NEK5: variants seen among roughly 807,000 people sequenced by gnomAD.
The protein encoded by NEK5 is NIMA related kinase 5.
A neutral mutation model predicts 109.2 loss-of-function variants in NEK5; 88 were observed. The observed-to-expected ratio is 0.81, with a 90% CI of 0.68 to 0.96. The LOEUF is 0.96. NEK5 is among the 40% of genes least tolerant of loss of function. The pLI is 0.00. For synonymous variants in NEK5, 283 were observed against 299.9 expected (o/e 0.94, Z 0.58); for missense variants, 834 against 920.7 (o/e 0.91, Z 1.22).
chr13:52,076,256 TTAA>T (rs1954867421), intron 17 of NEK5, 113 bp from the exon 18 acceptor site: 3 of 590,282 alleles, frequency 5.1e-6, no homozygotes, highest in Non-Finnish European at 8.7e-6. Context: ...TAATGGAAAG[TTAA>T]TAATAATTAA....
intron 22 of NEK5, among the ~76,000 whole-genome samples, chr13:52,054,640 C>T (rs1294696919): frequency 2.8e-5 from 4 of 144,804 alleles, no homozygotes; most frequent in Non-Finnish European, 4.6e-5. Context: ...GGTCCCTGAC[C>T]CCTGACCCCT....
intron 22 of NEK5, among the ~76,000 whole-genome samples, chr13:52,060,433 C>T (rs1050528229): frequency 3.3e-5 from 5 of 152,080 alleles, no homozygotes; most frequent in Non-Finnish European, 7.4e-5. Context: ...CGGCTCACTG[C>T]AACCTCCGCC....
rs1284330506 is a variant in NEK5 at position 52,080,311 on chromosome 13, G to A, written c.1572+2949C>T. Among the ~76,000 whole-genome samples the A allele has an allele frequency of 2.0e-5, 3 of 150,370 alleles. No homozygotes were observed. In the East Asian group the frequency reaches 6.0e-4, roughly 30 times the overall value. The stretch of plus-strand genomic sequence containing the variant: ...CCCGGCCAGCCGCCTCGTCCGGGAG[G>A]TGAGGGGCGCCTCTGCCCGGCCGCC... On this transcript the variant is annotated intron_variant, in intron 17 of 23. Transcript: ENST00000684899.
rs546129214 is a variant in NEK5, at chr13:52,057,711, T to C, written c.2110+4108A>G. Among the ~76,000 whole-genome samples, 9 of 152,224 alleles carry C rather than the reference T, an allele frequency of 5.9e-5. No homozygotes were observed. The South Asian group carries it at 1.9e-3, about 32-fold the overall frequency. The stretch of plus-strand genomic sequence containing the variant: ...ACCAAAGACAAAAACCACATGATTA[T>C]CTCAATAGATGCAGAAAAGGCCTTT... On this transcript the variant is annotated intron_variant, in intron 22 of 23. Transcript: ENST00000684899.
chr13:52,073,915 C>T (rs1339977023), intron 19 of NEK5, among the ~76,000 whole-genome samples: 3 of 152,096 alleles, frequency 2.0e-5, no homozygotes. Context: ...AGGAGTACAT[C>T]TAACCAAGGA....
At chr13:52,115,502 G>A (rs1042985703) in intron 4 of NEK5, among the ~76,000 whole-genome samples, 22 of 150,190 alleles carry the variant, frequency 1.5e-4, no homozygotes, top group Non-Finnish European at 2.4e-4. Context: ...CTACTCAGGA[G>A]GCTGAGGCAG....
chr13:52,074,824 G>C (rs1486220809), intron 19 of NEK5, among the ~76,000 whole-genome samples: 1 of 152,052 alleles, frequency 6.6e-6, no homozygotes, highest in Non-Finnish European at 1.5e-5. Context: ...GATAGAAAGA[G>C]ACACTTCTCA....
At chr13:52,087,669 AGGCT>A (rs1444495610) in intron 14 of NEK5, among the ~76,000 whole-genome samples, 1 of 152,190 alleles carries the variant, frequency 6.6e-6, no homozygotes, top group Non-Finnish European at 1.5e-5. Flanking sequence ...TCTGTCACCC[AGGCT>A]GGAGTACAGC....
At chr13:52,075,032 T>C (rs1954842685) in intron 19 of NEK5, among the ~76,000 whole-genome samples, 1 of 152,158 alleles carries the variant, frequency 6.6e-6, no homozygotes, top group South Asian at 2.1e-4. Context: ...GGAAATGTAA[T>C]GTAAATTAGT....
At chr13:52,088,086 C>T (rs1408810730) in intron 14 of NEK5, among the ~76,000 whole-genome samples, 2 of 151,922 alleles carry the variant, frequency 1.3e-5, no homozygotes, top group African/African-American at 2.4e-5. Context: ...CACCACAACA[C>T]CTGGGTAATT....
In NEK5 at chr13:52,087,462, T is replaced by C. The variant is rs775210872; in HGVS notation, c.1276-8A>G. 2.8e-6 allele frequency: 4 copies of C among 1,414,150 alleles called. No homozygotes were observed. The highest frequency in any genetic ancestry group is 2.4e-5 in the South Asian group (2 of 82,244). 87.6% of individuals were successfully genotyped at this position (1,414,150 alleles called of 1,614,324 possible). ...AGAAGATGGACGAAGACCCTATTTA[T>C]TGAATGAAATAATTTATAATGCATA... On this transcript the variant is annotated splice_region_variant and splice_polypyrimidine_tract_variant and intron_variant, in intron 14 of 23. Transcript: ENST00000684899.
chr13:52,126,517 C>G (rs1956066042), intron 3 of NEK5, among the ~76,000 whole-genome samples: 1 of 152,218 alleles, frequency 6.6e-6, no homozygotes, highest in African/African-American at 2.4e-5. Context: ...GTGGCTCAAG[C>G]CTGTAATCCC....
intron 23 of NEK5, among the ~76,000 whole-genome samples, chr13:52,047,348 G>T (rs543472331): frequency 6.6e-6 from 1 of 152,174 alleles, no homozygotes; most frequent in Admixed American, 6.5e-5. Context: ...TATATAAAAA[G>T]ACACATTTAC....
intron 7 of NEK5, among the ~76,000 whole-genome samples, chr13:52,109,588 T>C (rs1300734790): frequency 6.6e-6 from 1 of 151,960 alleles, no homozygotes; most frequent in Non-Finnish European, 1.5e-5. Context: ...TAACTAAGAG[T>C]CTGGCACCTT....
intron 19 of NEK5, among the ~76,000 whole-genome samples, chr13:52,074,499 T>A (rs1245915821): frequency 6.6e-6 from 1 of 152,024 alleles, no homozygotes; most frequent in Non-Finnish European, 1.5e-5. Flanking sequence ...ACTTAACAAT[T>A]TAAAAGTAAG....
chr13:52,061,498 T>C (rs1001989868), intron 22 of NEK5, among the ~76,000 whole-genome samples: 3 of 152,244 alleles, frequency 2.0e-5, no homozygotes, highest in African/African-American at 7.2e-5. Context: ...GTCCACTGAA[T>C]AGCTGTCAGA....
At position 52,086,261 on chromosome 13, in the gene NEK5, A is replaced by G; in HGVS notation, c.1479+16T>C. The G allele has an allele frequency of 6.8e-7, 1 of 1,472,192 alleles. No homozygotes were observed. The allele number at this position is 1,472,192 out of a possible 1,614,324, so 91.2% of individuals were successfully genotyped here. A position where few individuals can be genotyped will look rare whatever the true frequency, so the allele number is the denominator to read the frequency against. ...AAATCGATAGAACAATGTTTCCCCT[A>G]GAAGAATGAATTTACCTCTGGTTCT... On this transcript the variant is annotated intron_variant, in intron 16 of 23. Coordinates refer to ENST00000684899, the MANE Select transcript of NEK5 (RefSeq NM_001365552.1).
At chr13:52,106,042 A>C (rs144188481) in intron 8 of NEK5, among the ~76,000 whole-genome samples, 1 of 152,210 alleles carries the variant, frequency 6.6e-6, no homozygotes, top group African/African-American at 2.4e-5. Context: ...CAGTACAAGC[A>C]AACAAAACAA....
intron 14 of NEK5, among the ~76,000 whole-genome samples, chr13:52,088,951 C>T (rs535185270): frequency 1.5e-4 from 23 of 151,842 alleles, no homozygotes; most frequent in African/African-American, 5.3e-4. Context: ...GTTAGCTGGG[C>T]GTGGTGGTGG....
Sources: allele counts gnomAD v4.1 joint callset (sites outside exome capture counted in the v4.1 genomes callset), GRCh38; gene constraint gnomAD v4.1.1; transcripts MANE v1.5; gene names NCBI Gene and HGNC (gene_info 2026-07-23, HGNC 2026-07-21).